The following RHOQ variants were observed in gnomAD, a reference collection of about 807,000 sequenced individuals.
RHOQ encodes the protein rho-related GTP-binding protein RhoQ.
In RHOQ, 7 loss-of-function variants were observed where a neutral mutation model predicts 25.8. The ratio of observed to expected loss-of-function variants is 0.27; its 90% confidence interval spans 0.15 to 0.51. RHOQ has a LOEUF of 0.51. RHOQ is among the 20% of genes least tolerant of loss of function. RHOQ has a pLI of 0.97. For synonymous variants in RHOQ, 97 were observed against 98.6 expected, an observed-to-expected ratio of 0.98 and a Z score of 0.10; for missense variants, 165 against 260.6, an observed-to-expected ratio of 0.63 and a Z score of 2.53.
chr2:46,550,717 C>T (rs973984556), intron 2 of RHOQ, among the ~76,000 whole-genome samples: 1 of 152,204 alleles, frequency 6.6e-6, no homozygotes, highest in African/African-American at 2.4e-5. Context: ...ATAATTTATA[C>T]CCTGCAGCAT....
At chr2:46,546,312 CA>C (rs1261809450) in intron 2 of RHOQ, among the ~76,000 whole-genome samples, 1 of 151,000 alleles carries the variant, frequency 6.6e-6, no homozygotes, top group Non-Finnish European at 1.5e-5. Flanking sequence ...TGCACTTGGT[CA>C]TTAAGACCTC....
chr2:46,577,302 C>CT (rs35897111), intron 4 of RHOQ, among the ~76,000 whole-genome samples: 1 of 151,870 alleles, frequency 6.6e-6, no homozygotes, highest in South Asian at 2.1e-4. Flanking sequence ...ACTTTTTCCC[C>CT]TTTTTTCCCA....
chr2:46,565,014 T>C (rs764604150), intron 2 of RHOQ, among the ~76,000 whole-genome samples: 4 of 152,128 alleles, frequency 2.6e-5, no homozygotes, highest in Non-Finnish European at 4.4e-5. Flanking sequence ...CAAATCCTTT[T>C]ATAGTGTGGA....
At position 46,556,472 on chromosome 2, in the gene RHOQ, T is replaced by G. The variant is rs1014840604; in HGVS notation, c.201+12660T>G. On this transcript the variant is annotated intron_variant, in intron 2 of 4. Transcript: ENST00000238738. The surrounding 1 kb of genome is among the most constrained non-coding windows in gnomAD (Gnocchi z 4.9). ...TCTACCCTTCTGATATTCTTTTTCT[T>G]AAAAAATTTTTTTAATTTTTTTTTT... Among the ~76,000 whole-genome samples, 8 of 137,352 alleles carry G rather than the reference T, an allele frequency of 5.8e-5. No homozygotes were observed. The highest frequency in any genetic ancestry group is 1.3e-4 in the Non-Finnish European group (8 of 63,934). 90.1% of individuals were successfully genotyped at this position (137,352 alleles called of 152,430 possible). A position where few individuals can be genotyped will look rare whatever the true frequency, so the allele number is the denominator to read the frequency against.
chr2:46,572,896 T>C, intron 2 of RHOQ: 1 of 359,416 alleles, frequency 2.8e-6, no homozygotes, highest in Non-Finnish European at 5.5e-6. Context: ...AAATCCCACA[T>C]TTCATATTAA....
At position 46,543,742 on chromosome 2, in the gene RHOQ, C is replaced by T. The variant is rs1190378194; in HGVS notation, c.143-12C>T. On this transcript the variant is annotated splice_polypyrimidine_tract_variant and intron_variant, in intron 1 of 4. Transcript: ENST00000238738. ...TGAGCTTCTCTCCCCGCCCCCACTT[C>T]TGTCCTTGCAGTCAGCGTCACCGTG... 1 of 1,612,760 alleles carries T rather than the reference C, an allele frequency of 6.2e-7. No homozygotes were observed. Among genetic ancestry groups the T allele is most frequent in the Non-Finnish European group, 8.5e-7 (1 of 1,179,414 alleles).
intron 2 of RHOQ, among the ~76,000 whole-genome samples, chr2:46,565,341 G>T (rs1327275500): frequency 6.6e-6 from 1 of 152,226 alleles, no homozygotes; most frequent in East Asian, 1.9e-4. Flanking sequence ...GAGGAAGTAG[G>T]AGAAGAATGC....
chr2:46,566,441 T>A lies in RHOQ; in HGVS notation c.202-9646T>A, dbSNP rs113211687. 4.0e-3 allele frequency among the ~76,000 whole-genome samples: 614 copies of A among 152,226 alleles called. 8 individuals are homozygous for A. Among genetic ancestry groups the A allele is most frequent in the African/African-American group, 0.014 (576 of 41,538 alleles). On this transcript the variant is annotated intron_variant, in intron 2 of 4. Transcript: ENST00000238738. This position sits in a 1 kb window ranked among gnomAD's most constrained non-coding sequence, Gnocchi z 4.2. ...TAAAAGATGCCATATCATCTAGATA[T>A]ATCCAGAATATATCTAGAATCCACC...
At chr2:46,546,268 C>A (rs1319241514) in intron 2 of RHOQ, among the ~76,000 whole-genome samples, 1 of 151,348 alleles carries the variant, frequency 6.6e-6, no homozygotes, top group African/African-American at 2.4e-5. Context: ...TGTCTCGGGT[C>A]TCTGTTCATG....
intron 2 of RHOQ, among the ~76,000 whole-genome samples, chr2:46,546,809 G>A (rs1160766541): frequency 6.6e-6 from 1 of 152,036 alleles, no homozygotes; most frequent in African/African-American, 2.4e-5. Flanking sequence ...GGGGAGTTTT[G>A]TGGGGAGAAA....
rs144395549 is a variant in RHOQ, at chr2:46,581,663, A to G, written c.*580A>G. 0.04 allele frequency: 60,833 copies of G among 1,528,988 alleles called. 1,528 individuals carry two copies. Among genetic ancestry groups the G allele is most frequent in the African/African-American group, 0.11 (8,039 of 72,266 alleles). 94.7% of individuals were successfully genotyped at this position (1,528,988 alleles called of 1,614,324 possible). A position where few individuals can be genotyped will look rare whatever the true frequency, so the allele number is the denominator to read the frequency against. On this transcript the variant is annotated 3_prime_UTR_variant, in exon 5 of 5. Coordinates refer to ENST00000238738, the MANE Select transcript of RHOQ (RefSeq NM_012249.4). ...TTACTTGAGCACAAGTGTAACCTAA[A>G]TATTTCTATATTAAAGCTTAATGTG...
intron 2 of RHOQ, among the ~76,000 whole-genome samples, chr2:46,557,333 T>A (rs1425564314): frequency 6.6e-6 from 1 of 152,226 alleles, no homozygotes; most frequent in Non-Finnish European, 1.5e-5. Flanking sequence ...AAAAGGGAGT[T>A]GCTAAATCAC....
intron 2 of RHOQ, among the ~76,000 whole-genome samples, chr2:46,546,590 C>A (rs1422262093): frequency 7.0e-6 from 1 of 142,126 alleles, no homozygotes; most frequent in Non-Finnish European, 1.5e-5. Flanking sequence ...TGGAACAAAA[C>A]AGGCCTGGGC....
At chr2:46,547,629 C>T (rs1306586342) in intron 2 of RHOQ, among the ~76,000 whole-genome samples, 2 of 152,190 alleles carry the variant, frequency 1.3e-5, no homozygotes, top group East Asian at 1.9e-4. Context: ...GGAAGTTGAC[C>T]GAGGCATCTT....
At chr2:46,553,429 C>A (rs1441622379) in intron 2 of RHOQ, among the ~76,000 whole-genome samples, 1 of 152,176 alleles carries the variant, frequency 6.6e-6, no homozygotes, top group Admixed American at 6.5e-5. Context: ...ATAAGCACAT[C>A]ATGGAGAATA....
chr2:46,542,764 C>T lies in RHOQ; in HGVS notation c.-283C>T, dbSNP rs902259470. The stretch of plus-strand genomic sequence containing the variant: ...ATCCGGCGGATCCTCCTGGGGAGGC[C>T]GGGCCGGGGAGAGGGCGCGGGCGCC... On this transcript the variant is annotated 5_prime_UTR_variant, in exon 1 of 5. Transcript: ENST00000238738. The T allele has an allele frequency of 6.8e-6, 1 of 146,822 alleles. No homozygotes were observed. The highest frequency in any genetic ancestry group is 1.5e-5 in the Non-Finnish European group (1 of 65,766). 9.1% of individuals were successfully genotyped at this position (146,822 alleles called of 1,614,324 possible). A position where few individuals can be genotyped will look rare whatever the true frequency, so the allele number is the denominator to read the frequency against.
Position 46,566,316 on chromosome 2 carries a change from C to A in RHOQ, c.202-9771C>A, listed in dbSNP as rs886190891. Among the ~76,000 whole-genome samples, 1 of 152,090 alleles carries A rather than the reference C, an allele frequency of 6.6e-6. No individual in the cohort carries two copies. Among genetic ancestry groups the A allele is most frequent in the African/African-American group, 2.4e-5 (1 of 41,404 alleles). ...CTCAGAGGCAGAGACCTCCTCTGAC[C>A]ACCTGCTTGACATCTCAAGCTTAAC... On this transcript the variant is annotated intron_variant, in intron 2 of 4. Coordinates refer to ENST00000238738, the MANE Select transcript of RHOQ (RefSeq NM_012249.4). The surrounding 1 kb of genome is among the most constrained non-coding windows in gnomAD (Gnocchi z 4.2).
intron 1 of RHOQ, 183 bp downstream of exon 1, chr2:46,543,371 C>T: frequency 1.6e-6 from 1 of 637,266 alleles, no homozygotes; most frequent in Non-Finnish European, 2.7e-6. Flanking sequence ...GCCCGCTGAT[C>T]CACCCCCTCT....
At position 46,576,834 on chromosome 2, in the gene RHOQ, C is replaced by T. The variant is rs1413866786; in HGVS notation, c.462+178C>T. 3 of 451,854 alleles carry T rather than the reference C, an allele frequency of 6.6e-6. No individual in the cohort carries two copies. The highest frequency in any genetic ancestry group is 1.2e-5 in the Non-Finnish European group (3 of 251,856). The allele number at this position is 451,854 out of a possible 1,614,324, so 28.0% of individuals were successfully genotyped here. A position where few individuals can be genotyped will look rare whatever the true frequency, so the allele number is the denominator to read the frequency against. ...TGTTTCCCCTGTTACACAGAAGAGACAGTGGAGGCTGGGAGATGTCAGATA... is the reference window on the plus strand; with the variant it reads ...TGTTTCCCCTGTTACACAGAAGAGATAGTGGAGGCTGGGAGATGTCAGATA... On this transcript the variant is annotated intron_variant, in intron 4 of 4. Transcript: ENST00000238738. This position sits in a 1 kb window ranked among gnomAD's most constrained non-coding sequence, Gnocchi z 5.1.
Sources: allele counts gnomAD v4.1 joint callset (sites outside exome capture counted in the v4.1 genomes callset), GRCh38; gene constraint gnomAD v4.1.1; non-coding constraint Gnocchi (gnomAD v3.1); transcripts MANE v1.5; gene names NCBI Gene and HGNC (gene_info 2026-07-23, HGNC 2026-07-21).